The following LAD1 variants were observed in gnomAD, a reference collection of about 807,000 sequenced individuals.
The protein encoded by LAD1 is ladinin 1, also known as ladinin-1.
Under a neutral mutation model 54.2 loss-of-function variants are expected in LAD1, and 53 were observed. That is an observed-to-expected ratio of 0.98 (90% CI 0.78 to 1.23). LAD1 has a LOEUF of 1.23. LAD1 is among the 50% of genes most tolerant of loss of function. The pLI is 0.00. For synonymous variants in LAD1, 231 were observed against 257.7 expected (o/e 0.90, Z 0.99); for missense variants, 637 against 653.3 (o/e 0.98, Z 0.27).
At position 201,386,635 on chromosome 1, in the gene LAD1, C is replaced by A. The variant is rs569678759; in HGVS notation, c.726G>T (p.Ser242=). The A allele has an allele frequency of 6.8e-6, 11 of 1,614,148 alleles. No individual in the cohort carries two copies. In the Middle Eastern group the frequency reaches 1.3e-3, roughly 194 times the overall value. ...AGCCCAGTGCCATCCCTGGGGCCAG[C>A]GACTTCTCAGAGACACTGGTTTTTT... is the stretch of plus-strand genomic sequence containing the variant. ...VLEKTSVSEK[S]LAPGMALGSG... is the part of the protein sequence containing the mutation. Residue 242 remains serine, a synonymous_variant, in exon 3 of 10, where the codon TCG becomes TCT. Coordinates refer to ENST00000391967, the MANE Select transcript of LAD1 (RefSeq NM_005558.4).
At chr1:201,386,252 C>T in intron 3 of LAD1, 83 bp downstream of exon 3, 1 of 1,322,300 alleles carries the variant, frequency 7.6e-7, no homozygotes, top group Non-Finnish European at 9.8e-7. Flanking sequence ...AGCCAGGGAA[C>T]CAGGGACTAC....
chr1:201,389,199 A>C lies in LAD1; in HGVS notation c.143T>G (p.Leu48Arg), dbSNP rs771718872. Residue 48 changes from leucine to arginine, a missense_variant, in exon 2 of 10, where the codon CTC (leucine) becomes CGC (arginine). Transcript: ENST00000391967. ...SSTTDDEAPRLSQNGDRQASA... is the reference protein window; with the variant it reads ...SSTTDDEAPRRSQNGDRQASA... The stretch of plus-strand genomic sequence containing the variant: ...GGCCTGCCGGTCTCCATTCTGGCTG[A>C]GCCTGGGAGCCTCATCGTCCGTGGT... The C allele has an allele frequency of 3.7e-6, 6 of 1,614,070 alleles. No homozygotes were observed. The highest frequency in any genetic ancestry group is 3.3e-5 in the Admixed American group (2 of 60,002).
At chr1:201,399,241 G>T (rs748739963) in intron 1 of LAD1, 28 bp downstream of exon 1, 24 of 1,463,212 alleles carry the variant, frequency 1.6e-5, no homozygotes, top group Non-Finnish European at 2.1e-5. Context: ...CCGACCCCCC[G>T]CCCCTCCCGG....
rs200025654 is a variant in LAD1 at position 201,387,169 on chromosome 1, G to A, written c.192C>T (p.Ser64=). 18 of 1,511,652 alleles carry A rather than the reference G, an allele frequency of 1.2e-5. 1 individual carries two copies. The highest frequency in any genetic ancestry group is 1.8e-4 in the Middle Eastern group (1 of 5,580). 93.6% of individuals were successfully genotyped at this position (1,511,652 alleles called of 1,614,324 possible). Residue 64 remains serine (S), a synonymous_variant, in exon 3 of 10, where the codon AGC becomes AGT. Coordinates refer to ENST00000391967, the MANE Select transcript of LAD1 (RefSeq NM_005558.4). ...GCTTGGGCACCTCTGCTTCTTCCAC[G>A]CTCGGTAGTCTGAATCAGAAGATGG... ...RQASASERLP[S]VEEAEVPKPL...
rs11539495 is a variant in LAD1 at position 201,382,301 on chromosome 1, G to A, written c.1499C>T (p.Thr500Ile). 3 of 1,613,748 alleles carry A rather than the reference G, an allele frequency of 1.9e-6. No homozygotes were observed. The highest frequency in any genetic ancestry group is 2.5e-6 in the Non-Finnish European group (3 of 1,179,848). Residue 500 changes from threonine (T) to isoleucine (I), a missense_variant, in exon 9 of 10, where the codon ACC becomes ATC. Coordinates refer to ENST00000391967, the MANE Select transcript of LAD1 (RefSeq NM_005558.4). ...TTTCTGTCCCCACTGAGTCCTCTCG[G>A]TTGCAGATGATGCTTTCTGTGCCTC... ...PQEAQKASSA[T>I]ERTQWGQKSD...
Position 201,385,793 on chromosome 1 carries a change from T to G in LAD1, c.1039A>C (p.Ser347Arg), listed in dbSNP as rs760204080. 5 of 1,613,652 alleles carry G rather than the reference T, an allele frequency of 3.1e-6. No homozygotes were observed. The African/African-American group carries it at 6.7e-5, about 22-fold the overall frequency. Reference sequence around the variant, plus strand: ...GACATATCTGCCTCTTCCTCCTTGCTGGGGATTTTCACCTGGATGGAGCAG... The same window carrying G: ...GACATATCTGCCTCTTCCTCCTTGCGGGGGATTTTCACCTGGATGGAGCAG... ...PPVTLQVKIP[S>R]KEEEADMSSP... The change falls in exon 4 of 10, where the codon AGC (serine) becomes CGC (arginine). Residue 347 changes from serine (S) to arginine (R), a missense_variant. Ser to Arg is a moderately radical substitution (Grantham distance 110). Coordinates refer to ENST00000391967, the MANE Select transcript of LAD1 (RefSeq NM_005558.4).
At chr1:201,390,974 G>A in intron 1 of LAD1, 1 of 377,798 alleles carries the variant, frequency 2.6e-6, no homozygotes, top group East Asian at 7.6e-5. Flanking sequence ...GGGATTCTTA[G>A]GTAATATCCA....
intron 1 of LAD1, among the ~76,000 whole-genome samples, chr1:201,397,566 C>A (rs569786056): frequency 1.3e-5 from 2 of 151,850 alleles, no homozygotes; most frequent in East Asian, 1.9e-4. Context: ...CACACACCCC[C>A]CCATGCATAT....
Position 201,386,970 on chromosome 1 carries a change from G to T in LAD1, c.391C>A (p.Pro131Thr). ...SLSPVQATQK[P>T]LVSKKELEIP... ...TCCAGTTCCTTCTTGGAGACTAGGG[G>T]TTTCTGTGTGGCCTGCACAGGGCTC... The change falls in exon 3 of 10, where the codon CCC becomes ACC. Residue 131 changes from proline (P) to threonine (T), a missense_variant. Coordinates refer to ENST00000391967, the MANE Select transcript of LAD1 (RefSeq NM_005558.4). 2 of 1,609,720 alleles carry T rather than the reference G, an allele frequency of 1.2e-6. No homozygotes were observed. Among genetic ancestry groups the T allele is most frequent in the South Asian group, 1.1e-5 (1 of 90,218 alleles).
chr1:201,391,005 T>C (rs1383490521), intron 1 of LAD1: 1 of 433,910 alleles, frequency 2.3e-6, no homozygotes, highest in Non-Finnish European at 4.6e-6. Context: ...GTCATGGAGA[T>C]ATTTCCTCAC....
At chr1:201,389,121 T>C in intron 2 of LAD1, 39 bp downstream of exon 2, 1 of 1,602,036 alleles carries the variant, frequency 6.2e-7, no homozygotes, top group Non-Finnish European at 8.5e-7. Flanking sequence ...AGGCAACCAG[T>C]CCATCCCCAT....
rs1004344035 is a variant in LAD1 at position 201,381,449 on chromosome 1, G to C, written c.*439C>G. 5.6e-5 allele frequency: 14 copies of C among 251,740 alleles called. No homozygotes were observed. The highest frequency in any genetic ancestry group is 1.0e-4 in the Non-Finnish European group (13 of 129,504). 15.6% of individuals were successfully genotyped at this position (251,740 alleles called of 1,614,324 possible). On this transcript the variant is annotated 3_prime_UTR_variant, in exon 10 of 10. Transcript: ENST00000391967. ...AGGCCCCAGGGACAAAGATGGGTGG[G>C]TCCAGGCCTCAGAGAAGGGGGACAT... is the stretch of plus-strand genomic sequence containing the variant.
chr1:201,382,611 C>A (rs1571718447), intron 8 of LAD1, 42 bp downstream of exon 8: 2 of 1,498,686 alleles, frequency 1.3e-6, no homozygotes, highest in East Asian at 4.7e-5. Flanking sequence ...CATCCCACCA[C>A]AAAGGCTCCA....
Position 201,388,901 on chromosome 1 carries a change from G to A in LAD1, c.182+259C>T, listed in dbSNP as rs61820019. ...ACCTCTCTCTCAGGGACATTGTGTG[G>A]ATTACGTGAGCTATGGCCATAAAAT... is the stretch of plus-strand genomic sequence containing the variant. On this transcript the variant is annotated intron_variant, in intron 2 of 9. Coordinates refer to ENST00000391967, the MANE Select transcript of LAD1 (RefSeq NM_005558.4). Among the ~76,000 whole-genome samples, 2,114 of 152,328 alleles carry A rather than the reference G, an allele frequency of 0.014. 19 individuals carry two copies. The highest frequency in any genetic ancestry group is 0.022 in the Non-Finnish European group (1,472 of 68,038).
At chr1:201,394,039 C>A (rs1662243204) in intron 1 of LAD1, among the ~76,000 whole-genome samples, 3 of 152,032 alleles carry the variant, frequency 2.0e-5, no homozygotes, top group Admixed American at 1.3e-4. Context: ...AGTGAGACCC[C>A]CATCTCTATA....
intron 5 of LAD1, 166 bp downstream of exon 5, chr1:201,384,625 TC>T (rs1662036432): frequency 1.5e-6 from 1 of 688,922 alleles, no homozygotes; most frequent in Admixed American, 2.3e-5. Flanking sequence ...CCTGAGTTCA[TC>T]CTGTTAATCC....
At chr1:201,392,702 C>G (rs1173053124) in intron 1 of LAD1, among the ~76,000 whole-genome samples, 1 of 152,062 alleles carries the variant, frequency 6.6e-6, no homozygotes, top group African/African-American at 2.4e-5. Flanking sequence ...GGGTTTTATT[C>G]CAGGTGTGCT....
intron 4 of LAD1, among the ~76,000 whole-genome samples, chr1:201,385,384 G>T (rs2102355858): frequency 6.6e-6 from 1 of 152,328 alleles, no homozygotes; most frequent in Middle Eastern, 3.4e-3. Context: ...TCCTAGGTGA[G>T]GCCAGGAACT....
intron 1 of LAD1, 101 bp from the exon 2 acceptor site, chr1:201,389,404 G>T: frequency 1.5e-6 from 2 of 1,359,920 alleles, no homozygotes; most frequent in Non-Finnish European, 2.0e-6. Flanking sequence ...TGCCCTCTAG[G>T]CCTGCACTGG....
Sources: allele counts gnomAD v4.1 joint callset (sites outside exome capture counted in the v4.1 genomes callset), GRCh38; gene constraint gnomAD v4.1.1; transcripts MANE v1.5; gene names NCBI Gene and HGNC (gene_info 2026-07-23, HGNC 2026-07-21).